PGPEP1L: variants seen among roughly 807,000 people sequenced by gnomAD.
The protein encoded by PGPEP1L is pyroglutamyl-peptidase 1-like protein.
Under a neutral mutation model 6.0 loss-of-function variants are expected in PGPEP1L, and 7 were observed. That is an observed-to-expected ratio of 1.17 (90% CI 0.66 to 2.19). The LOEUF (loss-of-function observed/expected upper bound fraction) is 2.19, where lower values mean the gene tolerates loss of function less well. PGPEP1L is among the 30% of genes most tolerant of loss of function. PGPEP1L has a pLI of 0.00. For synonymous variants in PGPEP1L, 103 were observed against 83.9 expected, an observed-to-expected ratio of 1.23 and a Z score of -1.24; for missense variants, 209 against 192.5, an observed-to-expected ratio of 1.09 and a Z score of -0.51.
intron 2 of PGPEP1L, among the ~76,000 whole-genome samples, chr15:98,972,393 A>AATAAATAAATAAATAG (rs1567234522): frequency 3.3e-5 from 5 of 151,328 alleles, no homozygotes; most frequent in Non-Finnish European, 5.9e-5. Context: ...TAAATAAATA[A>AATAAATAAATAAATAG]ATAGCATGGA....
Position 98,976,425 on chromosome 15 carries a change from A to T in PGPEP1L, c.-141-5267T>A, listed in dbSNP as rs532544024. On this transcript the variant is annotated intron_variant, in intron 2 of 4. Transcript: ENST00000535714. ...CTAAGCATACTCTTTTCCATATCTG[A>T]AAGCCTTCTAGAGTTCTATGGAATC... Among the ~76,000 whole-genome samples, 49 of 152,356 alleles carry T rather than the reference A, an allele frequency of 3.2e-4. No homozygotes were observed. In the South Asian group the frequency reaches 0.01, roughly 32 times the overall value.
chr15:98,980,451 TAC>T (rs1254171181), intron 2 of PGPEP1L, among the ~76,000 whole-genome samples: 3 of 2,274 alleles, frequency 1.3e-3, no homozygotes, highest in Non-Finnish European at 8.1e-3. Context: ...ATGAAATGAC[TAC>T]ATACATAAGT....
At chr15:98,999,821 A>T (rs1201489156) in intron 2 of PGPEP1L, among the ~76,000 whole-genome samples, 1 of 152,258 alleles carries the variant, frequency 6.6e-6, no homozygotes, top group East Asian at 1.9e-4. Context: ...ACACAATGAA[A>T]TATTATTTGT....
At chr15:98,981,138 A>G (rs1052645569) in intron 2 of PGPEP1L, among the ~76,000 whole-genome samples, 2 of 152,078 alleles carry the variant, frequency 1.3e-5, no homozygotes, top group African/African-American at 4.8e-5. Flanking sequence ...AAAAGTCCCA[A>G]TTGAGGAACA....
rs1274503997 is a variant in PGPEP1L, at chr15:99,006,240, A to C, written c.-369-584T>G. ...TGCCCCAGGCACTGTCCCCAGCTTC[A>C]TCAGCCCTGAGGAACAGAGGCTTGC... On this transcript the variant is annotated intron_variant, in intron 1 of 4. Coordinates refer to ENST00000535714, the MANE Select transcript of PGPEP1L (RefSeq NM_001167902.2). 1.4e-4 allele frequency among the ~76,000 whole-genome samples: 22 copies of C among 152,194 alleles called. 1 individual carries two copies. The highest frequency in any genetic ancestry group is 4.4e-5 in the Non-Finnish European group (3 of 68,034).
Position 98,969,546 on chromosome 15 carries a change from C to T in PGPEP1L, c.88G>A (p.Glu30Lys), listed in dbSNP as rs140607190. 721 of 1,614,018 alleles carry T rather than the reference C, an allele frequency of 4.5e-4. 7 individuals carry two copies. In the African/African-American group the frequency reaches 8.5e-3, roughly 19 times the overall value. Residue 30 changes from glutamate (E) to lysine (K), a missense_variant, in exon 4 of 5, where the codon GAG becomes AAG. Glu to Lys is a moderately conservative substitution (Grantham distance 56). Transcript: ENST00000535714. ...RDADIRSFWPEGGVCLPGSPD... is the reference protein window; with the variant it reads ...RDADIRSFWPKGGVCLPGSPD... Reference sequence around the variant, plus strand: ...CTGCCAGGTAGGCACACGCCGCCCTCGGGCCAGAAGCTGCGGATGTCGGCG... The same window carrying T: ...CTGCCAGGTAGGCACACGCCGCCCTTGGGCCAGAAGCTGCGGATGTCGGCG...
chr15:98,982,828 A>C (rs1406022079), intron 2 of PGPEP1L, among the ~76,000 whole-genome samples: 2 of 144,240 alleles, frequency 1.4e-5, no homozygotes, highest in Non-Finnish European at 3.0e-5. Context: ...CTCATCCCTT[A>C]GCCTCCTGAG....
intron 2 of PGPEP1L, among the ~76,000 whole-genome samples, chr15:99,002,639 A>T (rs186093842): frequency 3.7e-4 from 42 of 113,286 alleles, no homozygotes; most frequent in Non-Finnish European, 5.7e-4. Context: ...GCAAATTCCT[A>T]TATTTATTTC....
chr15:98,976,068 G>T (rs78480113), intron 2 of PGPEP1L, among the ~76,000 whole-genome samples: 3,888 of 152,158 alleles, frequency 0.026, 74 homozygotes, highest in Middle Eastern at 0.082. Flanking sequence ...GTTGGGGGAA[G>T]GAAGAAATGG....
intron 2 of PGPEP1L, among the ~76,000 whole-genome samples, chr15:98,999,386 C>G (rs1220402248): frequency 6.6e-6 from 1 of 152,206 alleles, no homozygotes; most frequent in African/African-American, 2.4e-5. Flanking sequence ...GATGAGATGT[C>G]ACAGCACACT....
rs1182764314 is a variant in PGPEP1L, at chr15:99,007,438, G to C, written c.-449C>G. On this transcript the variant is annotated 5_prime_UTR_variant, in exon 1 of 5. Coordinates refer to ENST00000535714, the MANE Select transcript of PGPEP1L (RefSeq NM_001167902.2). ...AAGAACGAAGCCGCGGACCCTGGCG[G>C]TGAGTGTTACAGTTTTTAAAGGCAG... 1 of 152,388 alleles carries C rather than the reference G, an allele frequency of 6.6e-6. No individual in the cohort carries two copies. Among genetic ancestry groups the C allele is most frequent in the East Asian group, 1.9e-4 (1 of 5,200 alleles). 9.4% of individuals were successfully genotyped at this position (152,388 alleles called of 1,614,324 possible). A position where few individuals can be genotyped will look rare whatever the true frequency, so the allele number is the denominator to read the frequency against.
At chr15:98,981,687 G>T (rs2017665932) in intron 2 of PGPEP1L, among the ~76,000 whole-genome samples, 1 of 152,082 alleles carries the variant, frequency 6.6e-6, no homozygotes, top group African/African-American at 2.4e-5. Context: ...TTATGTAAAG[G>T]TAATATATTC....
At position 99,005,540 on chromosome 15, in the gene PGPEP1L, C is replaced by T. The variant is rs1263848685; in HGVS notation, c.-253G>A. The T allele has an allele frequency of 6.6e-6, 1 of 152,316 alleles. No individual in the cohort carries two copies. Among genetic ancestry groups the T allele is most frequent in the Non-Finnish European group, 1.5e-5 (1 of 68,062 alleles). The allele number at this position is 152,316 out of a possible 1,614,324, so 9.4% of individuals were successfully genotyped here. Reference sequence around the variant, plus strand: ...GCGGCCGGGCTCTGCGCGCTCTGAGCTCCGGGCACCTTCTCTGCCTGGCCG... The same window carrying T: ...GCGGCCGGGCTCTGCGCGCTCTGAGTTCCGGGCACCTTCTCTGCCTGGCCG... On this transcript the variant is annotated 5_prime_UTR_variant, in exon 2 of 5. Coordinates refer to ENST00000535714, the MANE Select transcript of PGPEP1L (RefSeq NM_001167902.2).
intron 2 of PGPEP1L, among the ~76,000 whole-genome samples, chr15:98,992,319 A>C (rs539115534): frequency 1.7e-3 from 253 of 152,288 alleles, no homozygotes; most frequent in Non-Finnish European, 3.1e-3. Context: ...ACAAACAGAG[A>C]GCCAAATCAT....
rs2151752413 is a variant in PGPEP1L at position 98,968,369 on chromosome 15, C to T, written c.*109G>A. The T allele has an allele frequency of 9.0e-7, 1 of 1,114,454 alleles. No homozygotes were observed. The highest frequency in any genetic ancestry group is 1.3e-6 in the Non-Finnish European group (1 of 772,892). 69.0% of individuals were successfully genotyped at this position (1,114,454 alleles called of 1,614,324 possible). A position where few individuals can be genotyped will look rare whatever the true frequency, so the allele number is the denominator to read the frequency against. ...TTTTGTTGGGCTAATTCAGAGTTTT[C>T]CACCCTCTTTGTCTTACAAGCAATT... On this transcript the variant is annotated 3_prime_UTR_variant, in exon 5 of 5. Transcript: ENST00000535714.
At chr15:98,974,261 C>T (rs117321909) in intron 2 of PGPEP1L, among the ~76,000 whole-genome samples, 13 of 152,032 alleles carry the variant, frequency 8.6e-5, no homozygotes, top group African/African-American at 3.1e-4. Flanking sequence ...CGCCTGTAAT[C>T]CCAGCTACTC....
intron 2 of PGPEP1L, among the ~76,000 whole-genome samples, chr15:98,989,587 C>T (rs1238112242): frequency 6.6e-6 from 1 of 152,170 alleles, no homozygotes; most frequent in Non-Finnish European, 1.5e-5. Context: ...ACTTCCCCAA[C>T]CTAGCAAGGC....
At chr15:98,971,322 G>A (rs2017493944) in intron 2 of PGPEP1L, among the ~76,000 whole-genome samples, 164 bp from the exon 3 acceptor site, 1 of 151,862 alleles carries the variant, frequency 6.6e-6, no homozygotes, top group Non-Finnish European at 1.5e-5. Context: ...GCCAAGAAGA[G>A]AGCCACAGTT....
intron 2 of PGPEP1L, among the ~76,000 whole-genome samples, chr15:98,980,768 C>T (rs1028803738): frequency 6.6e-6 from 1 of 151,998 alleles, no homozygotes; most frequent in African/African-American, 2.4e-5. Context: ...CCCGTCGCTA[C>T]TAAAAATACA....
Sources: allele counts gnomAD v4.1 joint callset (sites outside exome capture counted in the v4.1 genomes callset), GRCh38; gene constraint gnomAD v4.1.1; transcripts MANE v1.5; gene names NCBI Gene and HGNC (gene_info 2026-07-23, HGNC 2026-07-21).